The following RRP12 variants were observed in gnomAD, a reference collection of about 807,000 sequenced individuals.
RRP12 encodes RRP12-like protein.
RRP12 carries 78 observed loss-of-function variants against 157.3 expected under a neutral mutation model. The ratio of observed to expected loss-of-function variants is 0.50; its 90% CI spans 0.41 to 0.60. The LOEUF (loss-of-function observed/expected upper bound fraction) is 0.60. RRP12 is among the 20% of genes least tolerant of loss of function. RRP12 has a pLI of 0.00. For synonymous variants in RRP12, 726 were observed against 670.9 expected (o/e 1.08, Z -1.27); for missense variants, 1,521 against 1,679.9 (o/e 0.91, Z 1.65).
intron 4 of RRP12, 64 bp downstream of exon 4, chr10:97,393,620 C>T: frequency 2.5e-6 from 3 of 1,223,720 alleles, no homozygotes; most frequent in Non-Finnish European, 2.4e-6. Context: ...CCTGTTTCTC[C>T]TGTCCACATT....
intron 10 of RRP12, among the ~76,000 whole-genome samples, chr10:97,382,172 G>A (rs1844489342): frequency 6.9e-6 from 1 of 144,808 alleles, no homozygotes; most frequent in South Asian, 2.2e-4. Flanking sequence ...CATGAAAACA[G>A]TAACTTCTGC....
At chr10:97,362,770 T>C (rs568850924) in intron 30 of RRP12, among the ~76,000 whole-genome samples, 6 of 152,152 alleles carry the variant, frequency 3.9e-5, no homozygotes, top group Non-Finnish European at 8.8e-5. Flanking sequence ...TCTGGATATG[T>C]ACTCAGCTCT....
At chr10:97,395,777 G>A (rs1844944571) in intron 3 of RRP12, among the ~76,000 whole-genome samples, 1 of 151,558 alleles carries the variant, frequency 6.6e-6, no homozygotes. Flanking sequence ...CATGAACCCA[G>A]GAGGCAGAGG....
At chr10:97,388,681 G>A (rs1721887330) in intron 6 of RRP12, 57 bp from the exon 7 acceptor site, 2 of 1,593,612 alleles carry the variant, frequency 1.3e-6, no homozygotes, top group African/African-American at 1.3e-5. Flanking sequence ...CAGCATCTTG[G>A]GTGTCCGGCA....
chr10:97,379,552 C>T (rs2133065266), intron 14 of RRP12, 76 bp downstream of exon 14: 1 of 1,596,162 alleles, frequency 6.3e-7, no homozygotes, highest in South Asian at 1.1e-5. Flanking sequence ...GACTTTAGCC[C>T]ACAGCAGCAG....
In RRP12 at chr10:97,379,336, G is replaced by A. The variant is rs1426451619; in HGVS notation, c.1755C>T (p.Phe585=). The change falls in exon 15 of 34, where the codon TTC becomes TTT. Residue 585 remains phenylalanine (F), a synonymous_variant. Coordinates refer to ENST00000370992, the MANE Select transcript of RRP12 (RefSeq NM_015179.4). ...TAGCCAGGGGCAAGAAGTAGGTGGT[G>A]AAAAAACCAAGTCGCGTTTCCTGAA... ...DHVQETRLGF[F]TTYFLPLANT... 6.2e-7 allele frequency: 1 copy of A among 1,614,054 alleles called. No homozygotes were observed. Among genetic ancestry groups the A allele is most frequent in the Admixed American group, 1.7e-5 (1 of 60,004 alleles).
chr10:97,357,830 G>A (rs1843749472), intron 33 of RRP12, among the ~76,000 whole-genome samples: 3 of 151,890 alleles, frequency 2.0e-5, no homozygotes, highest in African/African-American at 7.3e-5. Context: ...GTGGTGGCGG[G>A]TGCCTGTAGT....
Position 97,371,008 on chromosome 10 carries a change from C to T in RRP12, c.2417G>A (p.Gly806Glu), listed in dbSNP as rs377396525. The T allele has an allele frequency of 9.7e-5, 156 of 1,613,938 alleles. 3 individuals are homozygous for T. In the South Asian group the frequency reaches 9.8e-4, roughly 10 times the overall value. The change falls in exon 21 of 34, where the codon GGG (glycine) becomes GAG (glutamate). Residue 806 changes from glycine to glutamate, a missense_variant. Gly to Glu is a moderately conservative substitution (Grantham distance 98, BLOSUM62 -2). Transcript: ENST00000370992. The part of the protein sequence containing the change: ...EEVCASPQGP[G>E]ALFVQSHLED... ...CAGGTGGCTCTGCACGAAGAGGGCC[C>T]CGGGGCCCTGAGGACTGGCACACAC... is the stretch of plus-strand genomic sequence containing the variant.
At chr10:97,372,014 C>T in intron 20 of RRP12, 59 bp downstream of exon 20, 1 of 1,226,228 alleles carries the variant, frequency 8.2e-7, no homozygotes, top group Non-Finnish European at 1.2e-6. Context: ...GCCCCACCTT[C>T]CCACAGCCCA....
At chr10:97,388,121 T>A (rs1844689544) in intron 8 of RRP12, 131 bp downstream of exon 8, 1 of 1,171,918 alleles carries the variant, frequency 8.5e-7, no homozygotes, top group South Asian at 1.3e-5. Context: ...AGTAACGTAG[T>A]GCTGTTGGTT....
chr10:97,367,702 A>T (rs966501631), intron 25 of RRP12, among the ~76,000 whole-genome samples: 1 of 151,710 alleles, frequency 6.6e-6, no homozygotes, highest in African/African-American at 2.4e-5. Context: ...ATCTCCAGTG[A>T]CTCCCAAACC....
intron 27 of RRP12, 23 bp from the exon 28 acceptor site, chr10:97,366,644 C>A (rs777298670): frequency 6.2e-7 from 1 of 1,604,818 alleles, no homozygotes; most frequent in Admixed American, 1.7e-5. Context: ...AGCCCCCAGT[C>A]AGAGTGCTCC....
At chr10:97,388,685 T>C in intron 6 of RRP12, 61 bp from the exon 7 acceptor site, 1 of 1,590,426 alleles carries the variant, frequency 6.3e-7, no homozygotes, top group South Asian at 1.1e-5. Context: ...ATCTTGGGTG[T>C]CCGGCACAAG....
rs770139033 is a variant in RRP12, at chr10:97,358,990, G to A, written c.3661C>T (p.Arg1221Cys). The A allele has an allele frequency of 1.1e-5, 17 of 1,613,688 alleles. No homozygotes were observed. The highest frequency in any genetic ancestry group is 1.0e-4 in the Admixed American group (6 of 59,994). ...QYQAGGSGIH[R>C]PVAKKAMPGA... ...GGCATAGCCTTCTTGGCCACAGGGC[G>A]ATGAATGCCAGAGCCTCCAGCTACG... The change falls in exon 32 of 34, where the codon CGC becomes TGC. Residue 1221 changes from arginine to cysteine, a missense_variant. Arg to Cys is a radical substitution (Grantham distance 180). Transcript: ENST00000370992.
chr10:97,386,051 C>T (rs1844623384), intron 8 of RRP12, 58 bp from the exon 9 acceptor site: 1 of 1,115,780 alleles, frequency 9.0e-7, no homozygotes, highest in African/African-American at 1.5e-5. Flanking sequence ...TGGCCCTGGA[C>T]CCCTCAACTC....
intron 15 of RRP12, among the ~76,000 whole-genome samples, chr10:97,376,596 A>G (rs866307861): frequency 6.6e-6 from 1 of 152,080 alleles, no homozygotes; most frequent in African/African-American, 2.4e-5. Flanking sequence ...GGGTTTCTCA[A>G]TCTTGACAAT....
At chr10:97,394,538 C>T (rs1028180031) in intron 3 of RRP12, among the ~76,000 whole-genome samples, 10 of 151,988 alleles carry the variant, frequency 6.6e-5, no homozygotes, top group Non-Finnish European at 1.2e-4. Context: ...TACAGGCATG[C>T]GCCACAAAGC....
At chr10:97,389,757 G>T (rs1844748641) in intron 6 of RRP12, among the ~76,000 whole-genome samples, 1 of 151,992 alleles carries the variant, frequency 6.6e-6, no homozygotes, top group Non-Finnish European at 1.5e-5. Context: ...CTGTTGCCCA[G>T]GCTGGAGTGC....
At chr10:97,375,541 T>C (rs1211175259) in intron 15 of RRP12, among the ~76,000 whole-genome samples, 1 of 152,158 alleles carries the variant, frequency 6.6e-6, no homozygotes, top group Non-Finnish European at 1.5e-5. Flanking sequence ...CGCACTTGTC[T>C]ATCTTCTCAG....
Sources: gnomAD v4.1 joint callset for allele counts (sites outside exome capture counted in the v4.1 genomes callset) on GRCh38, gnomAD v4.1.1 for gene constraint, MANE v1.5 for transcripts, NCBI Gene and HGNC (gene_info 2026-07-23, HGNC 2026-07-21) for gene names.